XKR9: variants seen among roughly 807,000 people sequenced by gnomAD.
XKR9 encodes the protein XK related 9, also known as XK-related protein 9.
Under a neutral mutation model 32.0 loss-of-function variants are expected in XKR9, and 32 were observed. The ratio of observed to expected loss-of-function variants is 1.00; its 90% CI spans 0.76 to 1.34. The LOEUF is 1.34. Among genes scored for constraint, XKR9 ranks in the 40% most tolerant of loss-of-function variants. XKR9 has a pLI of 0.00. For synonymous variants in XKR9, 168 were observed against 143.4 expected (o/e 1.17, Z -1.22); for missense variants, 546 against 429.7 (o/e 1.27, Z -2.39).
chr8:70,792,671 G>C (rs914310981), downstream of XKR9, among the ~76,000 whole-genome samples: 1 of 152,100 alleles, frequency 6.6e-6, no homozygotes, highest in African/African-American at 2.4e-5. Context: ...TGTGGGGGCA[G>C]TGAAGAAATG....
intron 4 of XKR9, among the ~76,000 whole-genome samples, chr8:70,719,368 A>G (rs886726526): frequency 5.3e-5 from 8 of 152,126 alleles, no homozygotes; most frequent in Non-Finnish European, 1.5e-5. Context: ...TTTAGTCATG[A>G]AGACTTTGCC....
the XKR9 span, among the ~76,000 whole-genome samples, chr8:71,041,905 A>G: frequency 5.3e-5 from 8 of 152,192 alleles, no homozygotes; most frequent in Non-Finnish European, 1.2e-4. Flanking sequence ...ACCCAGTCTC[A>G]GATATTTCTT....
chr8:70,749,178 C>T (rs1309060734), intron 2 of XKR9, among the ~76,000 whole-genome samples: 2 of 152,224 alleles, frequency 1.3e-5, no homozygotes, highest in African/African-American at 4.8e-5. Context: ...GCATTGCTCA[C>T]CCTCCAGTTG....
chr8:71,030,837 C>A, the XKR9 span, among the ~76,000 whole-genome samples: 1 of 152,152 alleles, frequency 6.6e-6, no homozygotes. Flanking sequence ...ACTTTAGAAT[C>A]ACCTTATAGG....
At chr8:71,015,948 TAGA>T in the XKR9 span, among the ~76,000 whole-genome samples, 1 of 152,162 alleles carries the variant, frequency 6.6e-6, no homozygotes, top group African/African-American at 2.4e-5. Flanking sequence ...GTATTTTTAC[TAGA>T]AGGATTTTCC....
the XKR9 span, among the ~76,000 whole-genome samples, chr8:70,798,942 G>A: frequency 4.4e-4 from 67 of 152,262 alleles, no homozygotes; most frequent in African/African-American, 1.6e-3. Context: ...TGCTCTTTTG[G>A]TTACTGAAGC....
chr8:70,791,585 T>C (rs879896508), downstream of XKR9, among the ~76,000 whole-genome samples: 1 of 152,050 alleles, frequency 6.6e-6, no homozygotes, highest in African/African-American at 2.4e-5. Flanking sequence ...TTTCTTGTTC[T>C]TTCCATCCCT....
chr8:70,927,602 A>C, the XKR9 span, among the ~76,000 whole-genome samples: 1 of 152,146 alleles, frequency 6.6e-6, no homozygotes, highest in African/African-American at 2.4e-5. Context: ...ACATGGCAGA[A>C]GGCATGGAAA....
the XKR9 span, among the ~76,000 whole-genome samples, chr8:70,954,219 C>T: frequency 6.6e-6 from 1 of 152,040 alleles, no homozygotes; most frequent in Middle Eastern, 3.2e-3. Flanking sequence ...TTGGACAACC[C>T]AGAGCCCTTA....
the XKR9 span, among the ~76,000 whole-genome samples, chr8:70,886,733 G>T: frequency 6.8e-6 from 1 of 147,390 alleles, no homozygotes; most frequent in Non-Finnish European, 1.5e-5. Flanking sequence ...ACTTTTTGAT[G>T]TTTTTTTTTT....
the XKR9 span, among the ~76,000 whole-genome samples, chr8:70,953,355 A>G: frequency 3.6e-4 from 55 of 152,230 alleles, no homozygotes; most frequent in Non-Finnish European, 6.2e-4. Flanking sequence ...TCTGTCACCT[A>G]GGCTGGAGTG....
intron 4 of XKR9, among the ~76,000 whole-genome samples, chr8:70,714,531 C>T (rs1445768223): frequency 2.0e-5 from 3 of 151,626 alleles, no homozygotes; most frequent in African/African-American, 2.4e-5. Flanking sequence ...CTAGCGTGGT[C>T]GATTGGAATT....
the XKR9 span, among the ~76,000 whole-genome samples, chr8:70,898,779 A>G: frequency 6.6e-6 from 1 of 152,082 alleles, no homozygotes; most frequent in Non-Finnish European, 1.5e-5. Context: ...TTTACAATGG[A>G]TATTTTCACT....
At chr8:70,818,724 A>T in the XKR9 span, among the ~76,000 whole-genome samples, 1 of 152,154 alleles carries the variant, frequency 6.6e-6, no homozygotes, top group African/African-American at 2.4e-5. Flanking sequence ...GTATAGAGAA[A>T]TATAACTAGG....
downstream of XKR9, among the ~76,000 whole-genome samples, chr8:70,736,974 C>A (rs968880003): frequency 6.6e-6 from 1 of 151,930 alleles, no homozygotes; most frequent in Non-Finnish European, 1.5e-5. Flanking sequence ...TCCATATGAA[C>A]TTTAAAGTAG....
chr8:70,734,225 GC>G lies in XKR9; in HGVS notation c.928del (p.Leu310SerfsTer14), dbSNP rs754443897. 6.2e-7 allele frequency: 1 copy of G among 1,613,030 alleles called. No homozygotes were observed. Among genetic ancestry groups the G allele is most frequent in the African/African-American group, 1.3e-5 (1 of 74,998 alleles). On this transcript the variant is annotated frameshift_variant, in exon 5 of 5. Transcript: ENST00000408926. LOFTEE classifies it high-confidence loss of function. ...GGGATATTGACTGTATTCTGGGTTT[GC>G]CCCCTCACTATTTTTAATCCAGACT... The part of the protein sequence containing the change: ...TLGILTVFWV[C>X]PLTIFNPDYF...
At chr8:70,814,088 A>G in the XKR9 span, among the ~76,000 whole-genome samples, 3 of 152,226 alleles carry the variant, frequency 2.0e-5, no homozygotes, top group Non-Finnish European at 4.4e-5. Flanking sequence ...TGTGGCACAT[A>G]TACACCATGG....
chr8:71,002,291 A>C, the XKR9 span, among the ~76,000 whole-genome samples: 1 of 131,224 alleles, frequency 7.6e-6, no homozygotes, highest in Non-Finnish European at 1.8e-5. Context: ...GGAAGGGCTC[A>C]CCATATGTGG....
chr8:70,866,943 C>T, the XKR9 span, among the ~76,000 whole-genome samples: 1 of 152,078 alleles, frequency 6.6e-6, no homozygotes, highest in Non-Finnish European at 1.5e-5. Flanking sequence ...CACAAAGAAA[C>T]CAAGTATCAT....
Sources: gnomAD v4.1 joint callset for allele counts (sites outside exome capture counted in the v4.1 genomes callset) on GRCh38, gnomAD v4.1.1 for gene constraint, MANE v1.5 for transcripts, NCBI Gene and HGNC (gene_info 2026-07-23, HGNC 2026-07-21) for gene names.